Variants in SBF2 observed in about 807,000 individuals in gnomAD.
The protein encoded by SBF2 is SET binding factor 2.
A neutral mutation model predicts 225.2 loss-of-function variants in SBF2; 112 were observed. The observed-to-expected ratio is 0.50, with a 90% CI of 0.43 to 0.58. The LOEUF is 0.58. SBF2 is among the 20% of genes least tolerant of loss of function. SBF2 has a pLI of 0.00. For missense variants in SBF2, 1,996 were observed against 2,206.2 expected, an observed-to-expected ratio of 0.90 and a Z score of 1.91; for synonymous variants, 763 against 773.3, an observed-to-expected ratio of 0.99 and a Z score of 0.22.
intron 26 of SBF2, among the ~76,000 whole-genome samples, chr11:9,834,681 T>C (rs140604621): frequency 4.6e-5 from 7 of 152,312 alleles, no homozygotes; most frequent in Admixed American, 1.3e-4. Context: ...GACCAAGCTA[T>C]AGACATAATC....
intron 16 of SBF2, chr11:9,961,741 T>C (rs967022055): frequency 6.2e-6 from 3 of 482,374 alleles, no homozygotes; most frequent in Non-Finnish European, 1.1e-5. Context: ...TAAAATAATC[T>C]AGCATTTTCA....
intron 1 of SBF2, among the ~76,000 whole-genome samples, chr11:10,273,682 T>C (rs1311795555): frequency 6.6e-6 from 1 of 152,254 alleles, no homozygotes; most frequent in South Asian, 2.1e-4. Context: ...TAAATTATAA[T>C]GTAGCAGACC....
At chr11:10,253,696 T>C (rs1363790215) in intron 1 of SBF2, among the ~76,000 whole-genome samples, 1 of 152,166 alleles carries the variant, frequency 6.6e-6, no homozygotes, top group East Asian at 1.9e-4. Context: ...GATATTACTA[T>C]AATGAATCAC....
chr11:9,978,570 G>A (rs11042579), intron 13 of SBF2, among the ~76,000 whole-genome samples: 30,480 of 152,104 alleles, frequency 0.2, 3,938 homozygotes, highest in Non-Finnish European at 0.3. Flanking sequence ...AATACTTCAC[G>A]ATGATCACTT....
At position 9,967,763 on chromosome 11, in the gene SBF2, A is replaced by C. The variant is rs1867022890; in HGVS notation, c.1600+578T>G. On this transcript the variant is annotated intron_variant, in intron 14 of 39. Coordinates refer to ENST00000256190, the MANE Select transcript of SBF2 (RefSeq NM_030962.4). ...AAACTCTGTCTCTACTAAAAATACA[A>C]AATTAGCTGGGCGAGGTGGCACATG... 1.3e-5 allele frequency among the ~76,000 whole-genome samples: 2 copies of C among 152,050 alleles called. 1 individual carries two copies. The highest frequency in any genetic ancestry group is 4.8e-5 in the African/African-American group (2 of 41,390).
intron 1 of SBF2, among the ~76,000 whole-genome samples, chr11:10,252,603 G>A (rs1390771180): frequency 6.6e-6 from 1 of 152,144 alleles, no homozygotes; most frequent in Non-Finnish European, 1.5e-5. Flanking sequence ...GAGGTCAAGA[G>A]ATCGAGACCA....
At chr11:10,168,617 G>T (rs1014724887) in intron 2 of SBF2, among the ~76,000 whole-genome samples, 1 of 152,172 alleles carries the variant, frequency 6.6e-6, no homozygotes, top group Non-Finnish European at 1.5e-5. Context: ...TGTACCTTCC[G>T]GAAATTTTAA....
chr11:9,936,102 A>G (rs1411681808), intron 16 of SBF2, among the ~76,000 whole-genome samples: 1 of 152,136 alleles, frequency 6.6e-6, no homozygotes, highest in African/African-American at 2.4e-5. Context: ...ACTCAAACAA[A>G]TTTACAAGAA....
chr11:10,051,532 A>AT (rs1345286216), intron 2 of SBF2, among the ~76,000 whole-genome samples: 5 of 151,918 alleles, frequency 3.3e-5, no homozygotes, highest in Admixed American at 6.6e-5. Context: ...GCCTGGTCAG[A>AT]TTTTTTTTAC....
chr11:9,852,644 C>T (rs779959760), intron 21 of SBF2, 32 bp downstream of exon 21: 2 of 1,508,980 alleles, frequency 1.3e-6, no homozygotes, highest in Non-Finnish European at 1.8e-6. Flanking sequence ...AGAAGAGAGG[C>T]TATACCCTGA....
intron 6 of SBF2, among the ~76,000 whole-genome samples, chr11:10,020,937 A>G (rs1401443382): frequency 6.9e-6 from 1 of 145,982 alleles, no homozygotes; most frequent in African/African-American, 2.5e-5. Context: ...TATATTTAAT[A>G]TCAGAGATCA....
chr11:10,288,019 A>C lies in SBF2; in HGVS notation c.55+5996T>G, dbSNP rs1167471427. Reference sequence around the variant, plus strand: ...GCTGTGGCTGGACCAGTTGCACCACAAACAGCTTCCCCGGCCGGCACCGGG... The same window carrying C: ...GCTGTGGCTGGACCAGTTGCACCACCAACAGCTTCCCCGGCCGGCACCGGG... On this transcript the variant is annotated intron_variant, in intron 1 of 39. Coordinates refer to ENST00000256190, the MANE Select transcript of SBF2 (RefSeq NM_030962.4). Among the ~76,000 whole-genome samples, 11 of 152,308 alleles carry C rather than the reference A, an allele frequency of 7.2e-5. No homozygotes were observed. The East Asian group carries it at 1.9e-3, about 27-fold the overall frequency.
chr11:10,094,917 A>G (rs560080241), intron 2 of SBF2, among the ~76,000 whole-genome samples: 1 of 152,198 alleles, frequency 6.6e-6, no homozygotes, highest in African/African-American at 2.4e-5. Context: ...AAAAAAAAAT[A>G]AAAAGGAATC....
chr11:9,865,714 A>AAT (rs1858153971), intron 17 of SBF2, among the ~76,000 whole-genome samples: 1 of 135,650 alleles, frequency 7.4e-6, no homozygotes, highest in African/African-American at 3.6e-5. Flanking sequence ...AAAAAAAAAA[A>AAT]AAGGCGGGAG....
intron 1 of SBF2, among the ~76,000 whole-genome samples, chr11:10,239,757 C>A (rs1959182898): frequency 7.3e-6 from 1 of 136,328 alleles, no homozygotes; most frequent in African/African-American, 2.5e-5. Flanking sequence ...GCAAAATGCA[C>A]TATATAAACC....
In SBF2 at chr11:10,106,632, TA is replaced by T. The variant is rs34207805; in HGVS notation, c.142-63652del. The stretch of plus-strand genomic sequence containing the variant: ...TGACAGAGCAAGACTCCGACTCAAT[TA>T]AAAAAAAAAAAAAAAACCCACACAA... On this transcript the variant is annotated intron_variant, in intron 2 of 39. Transcript: ENST00000256190. 3.4e-3 allele frequency among the ~76,000 whole-genome samples: 429 copies of T among 126,814 alleles called. 1 individual carries two copies. Among genetic ancestry groups the T allele is most frequent in the East Asian group, 7.2e-3 (31 of 4,332 alleles). 83.2% of individuals were successfully genotyped at this position (126,814 alleles called of 152,430 possible).
intron 2 of SBF2, among the ~76,000 whole-genome samples, chr11:10,131,951 C>T (rs2135100472): frequency 6.6e-6 from 1 of 152,210 alleles, no homozygotes; most frequent in East Asian, 1.9e-4. Flanking sequence ...CAAAGATGTT[C>T]TATGTTTTCT....
intron 16 of SBF2, among the ~76,000 whole-genome samples, chr11:9,898,244 A>G (rs985582022): frequency 2.0e-5 from 3 of 152,238 alleles, no homozygotes; most frequent in East Asian, 3.8e-4. Context: ...GTCTAAAGCT[A>G]GTCTTTCTAG....
chr11:9,812,852 G>T, intron 29 of SBF2, 144 bp from the exon 30 acceptor site: 1 of 793,434 alleles, frequency 1.3e-6, no homozygotes, highest in Non-Finnish European at 2.1e-6. Context: ...AGTCAATCTT[G>T]TACAGCAATG....
Sources: allele counts gnomAD v4.1 joint callset (sites outside exome capture counted in the v4.1 genomes callset), GRCh38; gene constraint gnomAD v4.1.1; transcripts MANE v1.5; gene names NCBI Gene and HGNC (gene_info 2026-07-23, HGNC 2026-07-21).